NAV3: variants seen among roughly 807,000 people sequenced by gnomAD.
The protein encoded by NAV3 is pore membrane and/or filament interacting like protein 1.
Under a neutral mutation model 244.7 loss-of-function variants are expected in NAV3, and 87 were observed. That is an observed-to-expected ratio of 0.36 (90% CI 0.30 to 0.42). The LOEUF (loss-of-function observed/expected upper bound fraction) is 0.42. Ranked by LOEUF, NAV3 falls within the 20% of genes least tolerant of loss-of-function variation. NAV3 has a pLI of 1.00. For synonymous variants in NAV3, 1,126 were observed against 1,042.2 expected (o/e 1.08, Z -1.55); for missense variants, 2,663 against 2,893.3 (o/e 0.92, Z 1.83).
chr12:78,147,773 A>G (rs866977797), intron 21 of NAV3, among the ~76,000 whole-genome samples: 9 of 152,132 alleles, frequency 5.9e-5, no homozygotes, highest in Non-Finnish European at 1.0e-4. Flanking sequence ...TAGACAGTTA[A>G]TAAACTATGT....
chr12:78,043,287 T>C (rs1420251695), intron 9 of NAV3, among the ~76,000 whole-genome samples: 3 of 152,240 alleles, frequency 2.0e-5, no homozygotes, highest in Non-Finnish European at 4.4e-5. Context: ...TTGCATAGTA[T>C]TCCATGGTGT....
chr12:77,831,550 G>A lies in NAV3; in HGVS notation c.89G>A (p.Gly30Asp), dbSNP rs2136076358. The change falls in exon 1 of 40, where the codon GGC (glycine) becomes GAC (aspartate). Residue 30 changes from glycine (G) to aspartate (D), a missense_variant. Physicochemically the swap from Gly to Asp is moderately conservative, Grantham distance 94. Transcript: ENST00000397909. ...ACTGCTCTTCCGATACCAAATCTTGGCACTACTGGGTCACAGCACTGTTCT... is the reference window on the plus strand; with the variant it reads ...ACTGCTCTTCCGATACCAAATCTTGACACTACTGGGTCACAGCACTGTTCT... ...VHTALPIPNLGTTGSQHCSSR... is the reference protein window; with the variant it reads ...VHTALPIPNLDTTGSQHCSSR... 1 of 1,614,072 alleles carries A rather than the reference G, an allele frequency of 6.2e-7. No homozygotes were observed. Among genetic ancestry groups the A allele is most frequent in the South Asian group, 1.1e-5 (1 of 91,068 alleles).
In NAV3 at chr12:78,122,027, T is replaced by A. The variant is rs1955690105; in HGVS notation, c.3837T>A (p.Ser1279Arg). ...VKSSSVMPSP[S>R]TTLARQGSLE... ...CTTCCTCAGTAATGCCCAGCCCTAGTACCACATTAGCGCGGCAAGGCAGTC... is the reference window on the plus strand; with the variant it reads ...CTTCCTCAGTAATGCCCAGCCCTAGAACCACATTAGCGCGGCAAGGCAGTC... Residue 1279 changes from serine to arginine, a missense_variant, in exon 16 of 40, where the codon AGT becomes AGA. This residue lies in a region of NAV3 where 354 missense variants were observed against 413.0 expected (regional missense o/e 0.86). Transcript: ENST00000397909. 1.9e-6 allele frequency: 3 copies of A among 1,614,204 alleles called. No individual in the cohort carries two copies. The highest frequency in any genetic ancestry group is 2.5e-6 in the Non-Finnish European group (3 of 1,180,038).
intron 5 of NAV3, among the ~76,000 whole-genome samples, chr12:77,993,827 T>C (rs1871858418): frequency 6.6e-6 from 1 of 151,518 alleles, no homozygotes; most frequent in South Asian, 2.1e-4. Context: ...TTGAAAACTG[T>C]GCATGCACAG....
At chr12:78,050,535 T>G (rs960071316) in intron 10 of NAV3, among the ~76,000 whole-genome samples, 2 of 152,292 alleles carry the variant, frequency 1.3e-5, no homozygotes, top group African/African-American at 4.8e-5. Flanking sequence ...CAATATGTTG[T>G]TTTACCCAAG....
At chr12:77,718,202 T>C (rs1044518740) in intron 2 of NAV3, among the ~76,000 whole-genome samples, 15 of 152,182 alleles carry the variant, frequency 9.9e-5, no homozygotes, top group African/African-American at 3.1e-4. Context: ...GGTTTTATGG[T>C]TTCAGTTCTA....
chr12:78,034,258 T>C (rs1879478102), intron 9 of NAV3, among the ~76,000 whole-genome samples: 1 of 152,098 alleles, frequency 6.6e-6, no homozygotes, highest in African/African-American at 2.4e-5. Flanking sequence ...TAACGAAAAA[T>C]GTTTCCAGAT....
chr12:77,901,009 G>C lies in NAV3; in HGVS notation c.244-39310G>C, dbSNP rs559887301. Among the ~76,000 whole-genome samples, 20 of 152,178 alleles carry C rather than the reference G, an allele frequency of 1.3e-4. No homozygotes were observed. The South Asian group carries it at 3.9e-3, about 30-fold the overall frequency. Reference sequence around the variant, plus strand: ...TGAGGTGGAACATTTTTTCATGTTTGTTGGCCCCTTGTATGTCCATTTTGC... The same window carrying C: ...TGAGGTGGAACATTTTTTCATGTTTCTTGGCCCCTTGTATGTCCATTTTGC... On this transcript the variant is annotated intron_variant, in intron 1 of 39. Transcript: ENST00000397909.
intron 2 of NAV3, among the ~76,000 whole-genome samples, chr12:77,734,269 T>C (rs911882837): frequency 6.6e-6 from 1 of 152,050 alleles, no homozygotes; most frequent in Non-Finnish European, 1.5e-5. Flanking sequence ...ATTTCTTTTT[T>C]TTTTTCTCCA....
chr12:77,823,292 TAAAC>T (rs574229203), intron 2 of NAV3, among the ~76,000 whole-genome samples: 112 of 151,962 alleles, frequency 7.4e-4, no homozygotes, highest in African/African-American at 2.5e-3. Flanking sequence ...ATGAGATAGA[TAAAC>T]AGACAGAGAG....
At chr12:77,583,395 C>A (rs1302584415) in intron 2 of NAV3, among the ~76,000 whole-genome samples, 1 of 152,134 alleles carries the variant, frequency 6.6e-6, no homozygotes, top group Non-Finnish European at 1.5e-5. Context: ...AGATAAGTAA[C>A]ACCTTGTATG....
At chr12:78,094,126 C>T (rs1469406452) in intron 12 of NAV3, among the ~76,000 whole-genome samples, 1 of 152,192 alleles carries the variant, frequency 6.6e-6, no homozygotes, top group Non-Finnish European at 1.5e-5. Flanking sequence ...AGGCATGCAC[C>T]ACCATGTCTG....
chr12:77,961,734 T>G (rs1381577152), intron 3 of NAV3, among the ~76,000 whole-genome samples: 1 of 138,338 alleles, frequency 7.2e-6, no homozygotes, highest in Non-Finnish European at 1.5e-5. Flanking sequence ...ATGTAATATA[T>G]GATTAAAGTA....
intron 1 of NAV3, among the ~76,000 whole-genome samples, chr12:77,904,189 G>A (rs978160362): frequency 1.3e-5 from 2 of 152,158 alleles, no homozygotes; most frequent in African/African-American, 4.8e-5. Context: ...AAAGACACAT[G>A]CACACATATG....
At chr12:77,759,139 A>G (rs1869340170) in intron 2 of NAV3, among the ~76,000 whole-genome samples, 1 of 152,024 alleles carries the variant, frequency 6.6e-6, no homozygotes. Context: ...CTTAATCCCT[A>G]TATTGGTTAT....
intron 2 of NAV3, among the ~76,000 whole-genome samples, chr12:77,786,874 A>G (rs1443350528): frequency 3.3e-5 from 5 of 152,232 alleles, no homozygotes; most frequent in African/African-American, 9.6e-5. Context: ...GTCTCGATGT[A>G]CCTCATCCCC....
intron 5 of NAV3, among the ~76,000 whole-genome samples, chr12:77,979,705 A>AAG (rs1869190054): frequency 1.5e-5 from 2 of 129,610 alleles, no homozygotes; most frequent in African/African-American, 6.5e-5. Flanking sequence ...AAACGAAAAA[A>AAG]AAAAAAGAAA....
intron 2 of NAV3, among the ~76,000 whole-genome samples, chr12:77,668,850 G>C (rs1411573673): frequency 1.3e-5 from 2 of 152,100 alleles, no homozygotes; most frequent in Non-Finnish European, 2.9e-5. Context: ...ATAGTCATCA[G>C]GTTATCTAAA....
intron 3 of NAV3, among the ~76,000 whole-genome samples, chr12:77,960,458 C>T (rs1356811837): frequency 3.3e-5 from 5 of 150,114 alleles, no homozygotes; most frequent in Admixed American, 2.0e-4. Context: ...TATACACACA[C>T]ACACACACAC....
Sources: gnomAD v4.1 joint callset for allele counts (sites outside exome capture counted in the v4.1 genomes callset) on GRCh38, gnomAD v4.1.1 for gene constraint, gnomAD v4.1.1 regional missense constraint, MANE v1.5 for transcripts, NCBI Gene and HGNC (gene_info 2026-07-23, HGNC 2026-07-21) for gene names.